HEATR4: variants seen among roughly 807,000 people sequenced by gnomAD.
HEATR4 encodes HEAT repeat containing 4.
A neutral mutation model predicts 108.8 loss-of-function variants in HEATR4; 95 were observed. That is an observed-to-expected ratio of 0.87 (90% CI 0.74 to 1.04). The LOEUF is 1.04. Among genes scored for constraint, HEATR4 ranks in the 50% least tolerant of loss-of-function variants. The pLI is 0.00. For missense variants in HEATR4, 1,152 were observed against 1,253.8 expected, an observed-to-expected ratio of 0.92 and a Z score of 1.23; for synonymous variants, 443 against 459.4, an observed-to-expected ratio of 0.96 and a Z score of 0.46.
At chr14:73,612,763 C>G in the HEATR4 span, 1 of 1,371,920 alleles carries the variant, frequency 7.3e-7, no homozygotes, top group South Asian at 1.7e-5. Flanking sequence ...ACCTGGAGCG[C>G]GCGCCCGCGC....
the HEATR4 span, among the ~76,000 whole-genome samples, chr14:73,579,018 G>A: frequency 2.7e-5 from 4 of 150,508 alleles, no homozygotes; most frequent in East Asian, 7.9e-4. Flanking sequence ...CCGGGATGTG[G>A]AGCTTGCAGT....
intron 11 of HEATR4, 132 bp from the exon 12 acceptor site, chr14:73,500,862 G>T: frequency 1.3e-6 from 1 of 762,000 alleles, no homozygotes; most frequent in Non-Finnish European, 2.1e-6. Context: ...ATGCTCATGA[G>T]ATAAGTTTTA....
Position 73,511,520 on chromosome 14 carries a change from AAAATAAATAAATAAATAAAT to A in HEATR4, c.1558+466_1558+485del, listed in dbSNP as rs548747393. On this transcript the variant is annotated intron_variant, in intron 7 of 17. Coordinates refer to ENST00000553558, the MANE Select transcript of HEATR4 (RefSeq NM_001220484.1). ...GGTGACAGAGCAAGACTCTGTCTCA[AAAATAAATAAATAAATAAAT>A]AAATAAATAAATAAATAAATAAATA... Among the ~76,000 whole-genome samples, 27 of 141,770 alleles carry A rather than the reference AAAATAAATAAATAAATAAAT, an allele frequency of 1.9e-4. No homozygotes were observed. The South Asian group carries it at 2.6e-3, about 13-fold the overall frequency. The allele number at this position is 141,770 out of a possible 152,430, so 93.0% of individuals were successfully genotyped here.
chr14:73,592,386 C>G, the HEATR4 span: 2 of 1,551,628 alleles, frequency 1.3e-6, no homozygotes, highest in African/African-American at 2.8e-5. Flanking sequence ...GCGAGCGGGC[C>G]GGGTGCGCGC....
At chr14:73,509,565 A>C in intron 7 of HEATR4, 92 bp from the exon 8 acceptor site, 1 of 1,305,498 alleles carries the variant, frequency 7.7e-7, no homozygotes, top group Non-Finnish European at 1.1e-6. Context: ...GGCCAACCTC[A>C]GTCCCAGCTG....
chr14:73,490,816 T>G, intron 17 of HEATR4: 1 of 485,526 alleles, frequency 2.1e-6, no homozygotes, highest in Non-Finnish European at 3.3e-6. Flanking sequence ...CAAGGGTTCT[T>G]GCCGCTGCCG....
At chr14:73,578,815 G>A in the HEATR4 span, among the ~76,000 whole-genome samples, 5 of 151,778 alleles carry the variant, frequency 3.3e-5, no homozygotes, top group South Asian at 2.1e-4. Context: ...GGCCAGGCGC[G>A]GTGGCTCATG....
intron 2 of HEATR4, among the ~76,000 whole-genome samples, chr14:73,524,313 ATATATATATAT>A (rs1888195500): frequency 1.1e-5 from 1 of 93,234 alleles, no homozygotes; most frequent in African/African-American, 4.2e-5. Context: ...AAAAAAAAAT[ATATATATATAT>A]ATATATATAT....
At chr14:73,606,384 CAA>C in the HEATR4 span, among the ~76,000 whole-genome samples, 67 of 143,414 alleles carry the variant, frequency 4.7e-4, no homozygotes, top group African/African-American at 1.4e-3. Flanking sequence ...CAAAACAAAA[CAA>C]AAAAAAAAAA....
the HEATR4 span, among the ~76,000 whole-genome samples, chr14:73,589,967 C>T: frequency 6.6e-6 from 1 of 152,164 alleles, no homozygotes; most frequent in African/African-American, 2.4e-5. Context: ...GTCTGGTAGG[C>T]TTCAGAAGTG....
chr14:73,481,637 C>T (rs1371196875), intron 17 of HEATR4, among the ~76,000 whole-genome samples: 1 of 151,432 alleles, frequency 6.6e-6, no homozygotes. Context: ...GTCAGGAGAT[C>T]GAGACCATCC....
intron 15 of HEATR4, among the ~76,000 whole-genome samples, chr14:73,496,306 G>A (rs1208591709): frequency 6.6e-6 from 1 of 152,136 alleles, no homozygotes. Context: ...ACTTGGGTTT[G>A]GGGTTGATGG....
rs1887434732 is a variant in HEATR4, at chr14:73,514,033, A to G, written c.1412T>C (p.Leu471Pro). Residue 471 changes from leucine (L) to proline (P), a missense_variant and splice_region_variant, in exon 6 of 18, where the codon CTG (leucine) becomes CCG (proline). Physicochemically the swap from Leu to Pro is moderately conservative, Grantham distance 98 (BLOSUM62 -3). Transcript: ENST00000553558. ...TCACAGGACCTCCCTTCACTCACTC[A>G]GAGCCCAGGCAGTCTTCCATTCCTT... ...MLKEWKTAWA[L>P]IIEWHHETVE... is the part of the protein sequence containing the mutation. 4 of 1,614,012 alleles carry G rather than the reference A, an allele frequency of 2.5e-6. No individual in the cohort carries two copies. The highest frequency in any genetic ancestry group is 1.1e-5 in the South Asian group (1 of 91,088).
At chr14:73,511,556 T>TA (rs1566833440) in intron 7 of HEATR4, among the ~76,000 whole-genome samples, 3 of 98,106 alleles carry the variant, frequency 3.1e-5, no homozygotes, top group African/African-American at 1.1e-4. Context: ...AATAAATAAA[T>TA]AAATAAATAA....
chr14:73,505,029 T>A (rs980139140), intron 10 of HEATR4, among the ~76,000 whole-genome samples: 1 of 152,026 alleles, frequency 6.6e-6, no homozygotes, highest in Admixed American at 6.6e-5. Context: ...CCTCCCAGGT[T>A]TAAGCGATTC....
At chr14:73,616,313 A>ATAT in the HEATR4 span, among the ~76,000 whole-genome samples, 12 of 151,494 alleles carry the variant, frequency 7.9e-5, no homozygotes, top group South Asian at 2.1e-4. Context: ...TGTGAAAATA[A>ATAT]TATTATTATT....
At position 73,508,185 on chromosome 14, in the gene HEATR4, C is replaced by G; in HGVS notation, c.1830G>C (p.Glu610Asp). Residue 610 changes from glutamate (E) to aspartate (D), a missense_variant, in exon 9 of 18, where the codon GAG (glutamate) becomes GAC (aspartate). Coordinates refer to ENST00000553558, the MANE Select transcript of HEATR4 (RefSeq NM_001220484.1). Reference sequence around the variant, plus strand: ...GGATATAAGACTGTTCCTCAGTGTCCTCATTCTTCTTTGTAAACAGCTGGT... The same window carrying G: ...GGATATAAGACTGTTCCTCAGTGTCGTCATTCTTCTTTGTAAACAGCTGGT... ...ILHQLFTKKN[E>D]DTEEQSYILL... is the part of the protein sequence containing the mutation. 6.2e-7 allele frequency: 1 copy of G among 1,614,038 alleles called. No homozygotes were observed. Among genetic ancestry groups the G allele is most frequent in the East Asian group, 2.2e-5 (1 of 44,878 alleles).
At chr14:73,556,323 G>T (rs1292264522) in intron 1 of HEATR4, among the ~76,000 whole-genome samples, 1 of 111,676 alleles carries the variant, frequency 9.0e-6, no homozygotes, top group African/African-American at 2.9e-5. Context: ...TACTCAGGAG[G>T]CTGAGGCAGG....
chr14:73,570,335 C>G, the HEATR4 span, among the ~76,000 whole-genome samples: 2 of 151,780 alleles, frequency 1.3e-5, no homozygotes, highest in Admixed American at 6.6e-5. Flanking sequence ...TTTGGGAAGT[C>G]TCGGCGGGCA....
Sources: gnomAD v4.1 joint callset for allele counts (sites outside exome capture counted in the v4.1 genomes callset) on GRCh38, gnomAD v4.1.1 for gene constraint, MANE v1.5 for transcripts, NCBI Gene and HGNC (gene_info 2026-07-23, HGNC 2026-07-21) for gene names.